The following MMP26 variants were observed in gnomAD, a reference collection of about 807,000 sequenced individuals.
MMP26 encodes the protein matrix metalloproteinase-26.
A neutral mutation model predicts 31.0 loss-of-function variants in MMP26; 33 were observed. The ratio of observed to expected loss-of-function variants is 1.06; its 90% confidence interval spans 0.81 to 1.42. The LOEUF (loss-of-function observed/expected upper bound fraction) is 1.42, where lower values mean the gene tolerates loss of function less well. Ranked by LOEUF, MMP26 falls within the 40% of genes most tolerant of loss-of-function variation. MMP26 has a pLI of 0.00. For synonymous variants in MMP26, 122 were observed against 114.9 expected (o/e 1.06, Z -0.40); for missense variants, 347 against 316.1 (o/e 1.10, Z -0.74).
At chr11:4,842,900 T>G (rs1295547659) in intron 2 of MMP26, among the ~76,000 whole-genome samples, 3 of 152,104 alleles carry the variant, frequency 2.0e-5, no homozygotes. Flanking sequence ...AGGCATTGGG[T>G]AAATGCTCCC....
chr11:4,904,645 A>G (rs1850855738), intron 2 of MMP26, among the ~76,000 whole-genome samples: 1 of 152,110 alleles, frequency 6.6e-6, no homozygotes, highest in Non-Finnish European at 1.5e-5. Context: ...TTGATGAGCT[A>G]TCTCTTCTGA....
chr11:4,801,748 T>C (rs1849186277), intron 2 of MMP26, among the ~76,000 whole-genome samples: 1 of 152,002 alleles, frequency 6.6e-6, no homozygotes, highest in Non-Finnish European at 1.5e-5. Context: ...CACCATGTTG[T>C]CTAGGATGGT....
intron 1 of MMP26, among the ~76,000 whole-genome samples, chr11:4,747,202 G>T (rs1848393435): frequency 6.6e-6 from 1 of 152,128 alleles, no homozygotes; most frequent in African/African-American, 2.4e-5. Context: ...TATGACAGAG[G>T]TATAGAGAAT....
intron 2 of MMP26, among the ~76,000 whole-genome samples, chr11:4,917,435 A>G (rs1851114240): frequency 6.6e-6 from 1 of 152,244 alleles, no homozygotes; most frequent in African/African-American, 2.4e-5. Flanking sequence ...TGGCAGAGCT[A>G]GCTCAACAGG....
intron 2 of MMP26, among the ~76,000 whole-genome samples, chr11:4,852,609 T>A (rs1362344027): frequency 6.6e-6 from 1 of 152,160 alleles, no homozygotes; most frequent in Non-Finnish European, 1.5e-5. Flanking sequence ...ATCCTTTACA[T>A]TGTTGGTAGG....
chr11:4,870,686 G>A (rs538094100), intron 2 of MMP26, among the ~76,000 whole-genome samples: 1 of 152,108 alleles, frequency 6.6e-6, no homozygotes, highest in African/African-American at 2.4e-5. Context: ...GAATTGTGGT[G>A]TGGTTAGTGA....
rs1204359026 is a variant in MMP26, at chr11:4,950,671, T to C, written c.-144-37397T>C. Among the ~76,000 whole-genome samples, 4 of 50,770 alleles carry C rather than the reference T, an allele frequency of 7.9e-5. 1 individual carries two copies. The highest frequency in any genetic ancestry group is 1.9e-4 in the Non-Finnish European group (4 of 21,446). 33.3% of individuals were successfully genotyped at this position (50,770 alleles called of 152,430 possible). A position where few individuals can be genotyped will look rare whatever the true frequency, so the allele number is the denominator to read the frequency against. On this transcript the variant is annotated intron_variant, in intron 2 of 7. Coordinates refer to ENST00000380390, the MANE Select transcript of MMP26 (RefSeq NM_021801.5). Reference sequence around the variant, plus strand: ...TATTTCTAAGAGTAAATTTCTAATGTTCTCATCAAAAAAAAATATTATTAT... The same window carrying C: ...TATTTCTAAGAGTAAATTTCTAATGCTCTCATCAAAAAAAAATATTATTAT...
intron 2 of MMP26, among the ~76,000 whole-genome samples, chr11:4,788,031 C>A (rs559351956): frequency 1.3e-5 from 2 of 152,202 alleles, no homozygotes; most frequent in Admixed American, 1.3e-4. Context: ...CCATGCTCTT[C>A]CTGGATATCA....
At chr11:4,726,164 T>C (rs1189471137) in intron 1 of MMP26, among the ~76,000 whole-genome samples, 2 of 152,152 alleles carry the variant, frequency 1.3e-5, no homozygotes, top group African/African-American at 4.8e-5. Flanking sequence ...AAACATCTTA[T>C]GACAATATCG....
intron 2 of MMP26, among the ~76,000 whole-genome samples, chr11:4,837,689 T>G (rs1200960305): frequency 6.6e-6 from 1 of 152,106 alleles, no homozygotes; most frequent in African/African-American, 2.4e-5. Flanking sequence ...ATAATTTTAC[T>G]TTATGTAATT....
chr11:4,790,946 T>C (rs566486822), intron 2 of MMP26, among the ~76,000 whole-genome samples: 2 of 152,358 alleles, frequency 1.3e-5, no homozygotes, highest in East Asian at 3.9e-4. Context: ...AAACGTCTCT[T>C]ACATTTCTAA....
At chr11:4,976,264 T>C (rs1359117128) in intron 2 of MMP26, among the ~76,000 whole-genome samples, 1 of 152,060 alleles carries the variant, frequency 6.6e-6, no homozygotes, top group Non-Finnish European at 1.5e-5. Context: ...AGTATTTATA[T>C]GAAAGTTGTT....
chr11:4,899,054 C>G (rs1262868879), intron 2 of MMP26, among the ~76,000 whole-genome samples: 1 of 152,092 alleles, frequency 6.6e-6, no homozygotes, highest in Non-Finnish European at 1.5e-5. Context: ...CTTGCATTAA[C>G]CAGTAACTGA....
chr11:4,966,546 G>T (rs1297986145), intron 2 of MMP26, among the ~76,000 whole-genome samples: 1 of 152,182 alleles, frequency 6.6e-6, no homozygotes, highest in African/African-American at 2.4e-5. Context: ...AAATCCTAAA[G>T]TTGAGGCTAG....
chr11:4,921,160 T>G (rs140078054), intron 2 of MMP26, among the ~76,000 whole-genome samples: 1 of 152,292 alleles, frequency 6.6e-6, no homozygotes, highest in Non-Finnish European at 1.5e-5. Flanking sequence ...TATATTCTTG[T>G]GACAAGTGGA....
intron 2 of MMP26, among the ~76,000 whole-genome samples, chr11:4,934,926 T>C (rs1047008810): frequency 3.3e-5 from 5 of 151,630 alleles, no homozygotes; most frequent in African/African-American, 1.2e-4. Context: ...TTCTGTTCCA[T>C]TGATCTATAT....
intron 2 of MMP26, among the ~76,000 whole-genome samples, chr11:4,956,172 G>T (rs1223741732): frequency 3.3e-5 from 5 of 152,148 alleles, no homozygotes; most frequent in Admixed American, 3.3e-4. Flanking sequence ...GAATATCTGG[G>T]CACTTACCAG....
chr11:4,962,707 C>T (rs1023290915), intron 2 of MMP26, among the ~76,000 whole-genome samples: 6 of 152,140 alleles, frequency 3.9e-5, no homozygotes, highest in African/African-American at 1.4e-4. Context: ...CGAAAGTTGG[C>T]ACAACTCTGG....
At chr11:4,750,751 A>G (rs2133300489) in intron 1 of MMP26, among the ~76,000 whole-genome samples, 1 of 152,158 alleles carries the variant, frequency 6.6e-6, no homozygotes. Context: ...GTGAAATAAT[A>G]GACATTGGTA....
Sources: gnomAD v4.1 joint callset for allele counts (sites outside exome capture counted in the v4.1 genomes callset) on GRCh38, gnomAD v4.1.1 for gene constraint, MANE v1.5 for transcripts, NCBI Gene and HGNC (gene_info 2026-07-23, HGNC 2026-07-21) for gene names.